The following TLL2 variants were observed in gnomAD, a reference collection of about 807,000 sequenced individuals.
TLL2 encodes tolloid-like protein 2.
A neutral mutation model predicts 123.0 loss-of-function variants in TLL2; 106 were observed. The ratio of observed to expected loss-of-function variants is 0.86; its 90% CI spans 0.74 to 1.01. The LOEUF (loss-of-function observed/expected upper bound fraction) is 1.01. TLL2 is among the 50% of genes least tolerant of loss of function. The pLI is 0.00. For synonymous variants in TLL2, 494 were observed against 516.8 expected, an observed-to-expected ratio of 0.96 and a Z score of 0.60; for missense variants, 1,332 against 1,336.7, an observed-to-expected ratio of 1.00 and a Z score of 0.06.
chr10:96,485,600 C>CA (rs1271076833), intron 1 of TLL2, among the ~76,000 whole-genome samples: 1 of 152,216 alleles, frequency 6.6e-6, no homozygotes, highest in African/African-American at 2.4e-5. Context: ...TACCACTTCA[C>CA]AGCCATTTGG....
chr10:96,429,877 T>C (rs1470479471), intron 4 of TLL2, among the ~76,000 whole-genome samples: 2 of 152,200 alleles, frequency 1.3e-5, no homozygotes, highest in Non-Finnish European at 2.9e-5. Flanking sequence ...TGCTGAATAA[T>C]AAAACTCCAG....
intron 4 of TLL2, among the ~76,000 whole-genome samples, chr10:96,429,923 A>C (rs1022656204): frequency 1.3e-5 from 2 of 152,212 alleles, no homozygotes; most frequent in African/African-American, 4.8e-5. Context: ...GTTCTTTTCA[A>C]AATCTAGAAG....
intron 1 of TLL2, among the ~76,000 whole-genome samples, chr10:96,487,454 C>T (rs904604976): frequency 3.3e-5 from 5 of 152,102 alleles, no homozygotes; most frequent in African/African-American, 1.2e-4. Context: ...TGGTCTCAAC[C>T]AGACAATATT....
chr10:96,487,395 C>T (rs1487499599), intron 1 of TLL2, among the ~76,000 whole-genome samples: 1 of 150,244 alleles, frequency 6.7e-6, no homozygotes, highest in Non-Finnish European at 1.5e-5. Context: ...ACTATTTGCC[C>T]TCCCACCCCG....
At chr10:96,389,172 C>T (rs540557026) in intron 13 of TLL2, among the ~76,000 whole-genome samples, 1 of 152,364 alleles carries the variant, frequency 6.6e-6, no homozygotes, top group African/African-American at 2.4e-5. Flanking sequence ...TCCAGCCGAT[C>T]TTCCTCCAAT....
chr10:96,385,989 C>T (rs1160171483), intron 15 of TLL2, 66 bp downstream of exon 15: 4 of 1,435,434 alleles, frequency 2.8e-6, no homozygotes, highest in Non-Finnish European at 3.7e-6. Flanking sequence ...CCCAGCCCCT[C>T]ACTGGTTTCC....
chr10:96,471,063 C>T (rs1294826413), intron 2 of TLL2, among the ~76,000 whole-genome samples: 7 of 152,018 alleles, frequency 4.6e-5, no homozygotes, highest in East Asian at 1.9e-4. Flanking sequence ...GCAAGTTGTG[C>T]GATCTCAGCT....
chr10:96,417,859 GAGA>G (rs909469982), intron 7 of TLL2, among the ~76,000 whole-genome samples: 4 of 152,234 alleles, frequency 2.6e-5, no homozygotes, highest in Admixed American at 2.6e-4. Flanking sequence ...GGAAAGACCA[GAGA>G]AGAACAAGCC....
rs1846046001 is a variant in TLL2, at chr10:96,368,066, CTG to C, written c.*20_*21del. 6.2e-7 allele frequency: 1 copy of C among 1,610,198 alleles called. No individual in the cohort carries two copies. The highest frequency in any genetic ancestry group is 1.7e-5 in the Admixed American group (1 of 59,176). On this transcript the variant is annotated 3_prime_UTR_variant, in exon 21 of 21. Coordinates refer to ENST00000357947, the MANE Select transcript of TLL2 (RefSeq NM_012465.4). ...ACAAAACAAAAAAAATTCTCAGTTT[CTG>C]TCTTTCAAGAACATCAGCACTATTT...
rs796666573 is a variant in TLL2, at chr10:96,502,198, G to A, written c.175+11313C>T. Among the ~76,000 whole-genome samples, 21 of 152,260 alleles carry A rather than the reference G, an allele frequency of 1.4e-4. 1 individual carries two copies. The highest frequency in any genetic ancestry group is 5.1e-4 in the African/African-American group (21 of 41,544). On this transcript the variant is annotated intron_variant, in intron 1 of 20. Coordinates refer to ENST00000357947, the MANE Select transcript of TLL2 (RefSeq NM_012465.4). ...ACCGATGTGAGCTGGAACCTGGCAG[G>A]TAAGGGGAGGGAGGCTGAGTCATAG...
chr10:96,469,816 G>A (rs1847161719), intron 2 of TLL2, among the ~76,000 whole-genome samples: 1 of 152,236 alleles, frequency 6.6e-6, no homozygotes, highest in African/African-American at 2.4e-5. Flanking sequence ...TTTACATAAG[G>A]AAGGAGAGAT....
intron 1 of TLL2, among the ~76,000 whole-genome samples, chr10:96,500,896 C>T (rs1032947318): frequency 5.9e-5 from 9 of 152,156 alleles, no homozygotes; most frequent in African/African-American, 2.2e-4. Context: ...ATCTATACAA[C>T]AGTGTATAAA....
At chr10:96,488,646 C>A (rs1257621355) in intron 1 of TLL2, among the ~76,000 whole-genome samples, 2 of 152,194 alleles carry the variant, frequency 1.3e-5, no homozygotes, top group South Asian at 4.1e-4. Context: ...AGTGGCTGCA[C>A]CCCAGAACAC....
intron 9 of TLL2, among the ~76,000 whole-genome samples, chr10:96,409,142 T>C (rs1222924492): frequency 6.6e-6 from 1 of 152,252 alleles, no homozygotes; most frequent in African/African-American, 2.4e-5. Context: ...CACACCCCAC[T>C]GCCACCCCTA....
chr10:96,385,672 G>A (rs1263133788), intron 15 of TLL2, among the ~76,000 whole-genome samples: 1 of 152,156 alleles, frequency 6.6e-6, no homozygotes, highest in Non-Finnish European at 1.5e-5. Context: ...ATCACTGCCC[G>A]AAAGAGGAAA....
chr10:96,389,827 A>G (rs575878591), intron 13 of TLL2, among the ~76,000 whole-genome samples: 1 of 152,378 alleles, frequency 6.6e-6, no homozygotes, highest in South Asian at 2.1e-4. Flanking sequence ...TCCTCCAGAG[A>G]CTAGAAGGTA....
At chr10:96,406,443 C>T (rs897214988) in intron 9 of TLL2, among the ~76,000 whole-genome samples, 3 of 152,104 alleles carry the variant, frequency 2.0e-5, no homozygotes, top group Admixed American at 1.3e-4. Flanking sequence ...TGACTCTATT[C>T]GTTTTCCAAC....
chr10:96,401,137 G>T (rs1371941225), intron 10 of TLL2, among the ~76,000 whole-genome samples: 2 of 152,182 alleles, frequency 1.3e-5, no homozygotes, highest in Non-Finnish European at 2.9e-5. Flanking sequence ...ATGCAGATGA[G>T]GACACTACAA....
At chr10:96,390,108 C>A (rs1846272285) in intron 13 of TLL2, among the ~76,000 whole-genome samples, 1 of 152,250 alleles carries the variant, frequency 6.6e-6, no homozygotes, top group Non-Finnish European at 1.5e-5. Context: ...AAGCAGCATT[C>A]AGCTTAGCAT....
Sources: allele counts gnomAD v4.1 joint callset (sites outside exome capture counted in the v4.1 genomes callset), GRCh38; gene constraint gnomAD v4.1.1; transcripts MANE v1.5; gene names NCBI Gene and HGNC (gene_info 2026-07-23, HGNC 2026-07-21).